Variants in SRD5A1 observed in about 807,000 individuals in gnomAD.
SRD5A1 encodes the protein steroid 5 alpha-reductase 1, also known as 3-oxo-5-alpha-steroid 4-dehydrogenase 1.
Under a neutral mutation model 28.2 loss-of-function variants are expected in SRD5A1, and 22 were observed. The ratio of observed to expected loss-of-function variants is 0.78; its 90% CI spans 0.56 to 1.12. The LOEUF is 1.12. SRD5A1 is among the 50% of genes most tolerant of loss of function. The probability of loss-of-function intolerance (pLI) is 0.00; values close to 1 mark genes in which losing one functional copy is unlikely to be tolerated. For synonymous variants in SRD5A1, 151 were observed against 135.0 expected (o/e 1.12, Z -0.82); for missense variants, 300 against 346.7 (o/e 0.87, Z 1.07).
intron 1 of SRD5A1, among the ~76,000 whole-genome samples, chr5:6,640,709 C>T (rs1738333683): frequency 6.6e-6 from 1 of 152,172 alleles, no homozygotes. Flanking sequence ...AAAATTATAA[C>T]ATGACAGAGA....
intron 3 of SRD5A1, 68 bp from the exon 4 acceptor site, chr5:6,662,748 C>G: frequency 1.3e-6 from 2 of 1,538,612 alleles, no homozygotes. Context: ...TAAGTATTCA[C>G]TAGCATCTCT....
intron 1 of SRD5A1, among the ~76,000 whole-genome samples, chr5:6,641,203 A>G (rs1169120593): frequency 2.6e-5 from 4 of 151,996 alleles, no homozygotes; most frequent in African/African-American, 9.7e-5. Flanking sequence ...GGTCCGCTGC[A>G]CTCTCTCAAG....
chr5:6,652,838 C>T (rs375859300), intron 2 of SRD5A1, among the ~76,000 whole-genome samples: 3 of 137,972 alleles, frequency 2.2e-5, no homozygotes, highest in Admixed American at 7.8e-5. Context: ...TGTGCCACTG[C>T]GTTCCAGCCT....
intron 4 of SRD5A1, among the ~76,000 whole-genome samples, chr5:6,664,966 A>G (rs1306311926): frequency 6.6e-6 from 1 of 152,266 alleles, no homozygotes; most frequent in African/African-American, 2.4e-5. Context: ...GGCAGAAAAC[A>G]CTGTGGGCCA....
rs910605224 is a variant in SRD5A1 at position 6,671,446 on chromosome 5, C to A, written c.*3178C>A. 6.6e-6 allele frequency: 1 copy of A among 152,150 alleles called. No individual in the cohort carries two copies. Among genetic ancestry groups the A allele is most frequent in the African/African-American group, 2.4e-5 (1 of 41,410 alleles). 9.4% of individuals were successfully genotyped at this position (152,150 alleles called of 1,614,324 possible). On this transcript the variant is annotated 3_prime_UTR_variant, in exon 5 of 5. Coordinates refer to ENST00000274192, the MANE Select transcript of SRD5A1 (RefSeq NM_001047.4). ...TATAGATTGTGAAGATTTTCTCCCA[C>A]TCTGTGCGTTGTCTGTTTACTCTGC...
intron 1 of SRD5A1, among the ~76,000 whole-genome samples, chr5:6,646,561 A>G (rs776001529): frequency 2.0e-5 from 3 of 152,164 alleles, no homozygotes; most frequent in Non-Finnish European, 2.9e-5. Flanking sequence ...GTTTATTTGC[A>G]TAGAGGTGTT....
chr5:6,639,518 C>T (rs551577929), intron 1 of SRD5A1, among the ~76,000 whole-genome samples: 12 of 152,326 alleles, frequency 7.9e-5, no homozygotes, highest in African/African-American at 1.9e-4. Context: ...ACAGCCCTCG[C>T]GGACAGTAAG....
At chr5:6,654,434 T>TTTGTTTGTTTG (rs1554001870) in intron 2 of SRD5A1, among the ~76,000 whole-genome samples, 6 of 151,458 alleles carry the variant, frequency 4.0e-5, no homozygotes, top group African/African-American at 9.7e-5. Context: ...TAAGTTTTTT[T>TTTGTTTGTTTG]TTTGTTTGTT....
chr5:6,667,243 T>C (rs533173558), intron 4 of SRD5A1, among the ~76,000 whole-genome samples: 21 of 152,348 alleles, frequency 1.4e-4, no homozygotes, highest in Admixed American at 1.2e-3. Flanking sequence ...AAGTGACGCT[T>C]GATCCGGAAG....
In SRD5A1 at chr5:6,671,324, A is replaced by G. The variant is rs2126560505; in HGVS notation, c.*3056A>G. 6.6e-6 allele frequency: 1 copy of G among 152,206 alleles called. No homozygotes were observed. Among genetic ancestry groups the G allele is most frequent in the Non-Finnish European group, 1.5e-5 (1 of 68,004 alleles). The allele number at this position is 152,206 out of a possible 1,614,324, so 9.4% of individuals were successfully genotyped here. A position where few individuals can be genotyped will look rare whatever the true frequency, so the allele number is the denominator to read the frequency against. ...ATCTTCTTTTGAGAATTGTCTATTC[A>G]TGTCCTTAACCCACTTTTTGATGGG... On this transcript the variant is annotated 3_prime_UTR_variant, in exon 5 of 5. Coordinates refer to ENST00000274192, the MANE Select transcript of SRD5A1 (RefSeq NM_001047.4).
chr5:6,671,126 T>C lies in SRD5A1; in HGVS notation c.*2858T>C, dbSNP rs1385564169. On this transcript the variant is annotated 3_prime_UTR_variant, in exon 5 of 5. Transcript: ENST00000274192. ...TAATAGTTTACATTCCCACCAGCAG[T>C]GTGGAAGTGTTCCATGATTGCCGCA... 6.6e-6 allele frequency: 1 copy of C among 152,212 alleles called. No homozygotes were observed. Among genetic ancestry groups the C allele is most frequent in the Non-Finnish European group, 1.5e-5 (1 of 68,026 alleles). 9.4% of individuals were successfully genotyped at this position (152,212 alleles called of 1,614,324 possible). A position where few individuals can be genotyped will look rare whatever the true frequency, so the allele number is the denominator to read the frequency against.
At position 6,633,792 on chromosome 5, in the gene SRD5A1, C is replaced by A; in HGVS notation, c.216C>A (p.Ala72=). The part of the protein sequence containing the change: ...PSLALPLYQY[A]SESAPRLRSA... ...TGGCCCTGCCGCTCTACCAGTACGC[C>A]AGCGAGTCCGCCCCGCGTCTCCGCA... The change falls in exon 1 of 5, where the codon GCC becomes GCA. Residue 72 remains alanine, a synonymous_variant. Transcript: ENST00000274192. 2 of 1,597,818 alleles carry A rather than the reference C, an allele frequency of 1.3e-6. No individual in the cohort carries two copies. The highest frequency in any genetic ancestry group is 1.7e-6 in the Non-Finnish European group (2 of 1,179,646).
At chr5:6,636,048 C>G (rs530261134) in intron 1 of SRD5A1, among the ~76,000 whole-genome samples, 3 of 144,810 alleles carry the variant, frequency 2.1e-5, no homozygotes, top group African/African-American at 8.1e-5. Context: ...TTGGCTGGGT[C>G]AGGTATAGTT....
intron 1 of SRD5A1, among the ~76,000 whole-genome samples, chr5:6,643,434 A>G (rs1257240453): frequency 6.6e-6 from 1 of 152,114 alleles, no homozygotes; most frequent in East Asian, 1.9e-4. Context: ...TCTCCCAAGT[A>G]GCTGGGACTA....
chr5:6,641,627 G>A (rs937494269), intron 1 of SRD5A1, among the ~76,000 whole-genome samples: 6 of 152,324 alleles, frequency 3.9e-5, no homozygotes, highest in East Asian at 1.9e-4. Flanking sequence ...CCCTTCCAGG[G>A]CAGGAATCAG....
intron 4 of SRD5A1, among the ~76,000 whole-genome samples, chr5:6,667,392 G>T (rs1739217190): frequency 6.6e-6 from 1 of 152,228 alleles, no homozygotes; most frequent in South Asian, 2.1e-4. Context: ...AGACCAGCAG[G>T]GTTTTGCCAA....
rs1739288441 is a variant in SRD5A1 at position 6,669,216 on chromosome 5, A to G, written c.*948A>G. ...ATAACAAGACCACTTTTTAAGATTT[A>G]TCCTGTTTGTTCTTTGTTGATTGAA... On this transcript the variant is annotated 3_prime_UTR_variant, in exon 5 of 5. Coordinates refer to ENST00000274192, the MANE Select transcript of SRD5A1 (RefSeq NM_001047.4). 1.3e-5 allele frequency: 2 copies of G among 152,206 alleles called. No homozygotes were observed. The highest frequency in any genetic ancestry group is 6.5e-5 in the Admixed American group (1 of 15,286). 9.4% of individuals were successfully genotyped at this position (152,206 alleles called of 1,614,324 possible). A position where few individuals can be genotyped will look rare whatever the true frequency, so the allele number is the denominator to read the frequency against.
At chr5:6,649,673 T>C (rs550737720) in intron 1 of SRD5A1, among the ~76,000 whole-genome samples, 1 of 152,330 alleles carries the variant, frequency 6.6e-6, no homozygotes, top group Non-Finnish European at 1.5e-5. Context: ...ATGGCTTCCC[T>C]TGGCTAGGAA....
At chr5:6,666,982 T>C (rs959082520) in intron 4 of SRD5A1, among the ~76,000 whole-genome samples, 1 of 152,234 alleles carries the variant, frequency 6.6e-6, no homozygotes, top group East Asian at 1.9e-4. Context: ...GCTATGTCAC[T>C]GTGCGGCGGC....
Sources: gnomAD v4.1 joint callset for allele counts (sites outside exome capture counted in the v4.1 genomes callset) on GRCh38, gnomAD v4.1.1 for gene constraint, MANE v1.5 for transcripts, NCBI Gene and HGNC (gene_info 2026-07-23, HGNC 2026-07-21) for gene names.